The following NCAN variants were observed in gnomAD, a reference collection of about 807,000 sequenced individuals.
NCAN encodes neurocan.
In NCAN, 47 loss-of-function variants were observed where a neutral mutation model predicts 121.8. The observed-to-expected ratio is 0.39, with a 90% CI of 0.31 to 0.49. The LOEUF (loss-of-function observed/expected upper bound fraction) is 0.49, where lower values mean the gene tolerates loss of function less well. Ranked by LOEUF, NCAN falls within the 20% of genes least tolerant of loss-of-function variation. The pLI is 0.92. For missense variants in NCAN, 1,517 were observed against 1,773.4 expected (o/e 0.86, Z 2.60); for synonymous variants, 633 against 702.0 (o/e 0.90, Z 1.55).
rs2060806901 is a variant in NCAN, at chr19:19,219,255, C to T, written c.414C>T (p.Tyr138=). The T allele has an allele frequency of 1.3e-6, 2 of 1,599,930 alleles. No individual in the cohort carries two copies. The highest frequency in any genetic ancestry group is 1.7e-6 in the Non-Finnish European group (2 of 1,177,202). ...GPLRASDSGL[Y]RCQVVRGIED... ...TGAGGGCCAGTGACTCTGGGCTGTACCGCTGCCAGGTGGTGAGGGGCATCG... is the reference window on the plus strand; with the variant it reads ...TGAGGGCCAGTGACTCTGGGCTGTATCGCTGCCAGGTGGTGAGGGGCATCG... Residue 138 remains tyrosine, a synonymous_variant, in exon 3 of 15, where the codon TAC becomes TAT. Coordinates refer to ENST00000252575, the MANE Select transcript of NCAN (RefSeq NM_004386.3).
intron 1 of NCAN, among the ~76,000 whole-genome samples, chr19:19,214,208 ACACACACACT>A (rs1372649227): frequency 6.6e-6 from 1 of 150,532 alleles, no homozygotes; most frequent in Non-Finnish European, 1.5e-5. Flanking sequence ...ACACACTTAC[ACACACACACT>A]CACACACACT....
chr19:19,214,618 C>G (rs1179533017), intron 1 of NCAN, among the ~76,000 whole-genome samples: 2 of 152,070 alleles, frequency 1.3e-5, no homozygotes, highest in African/African-American at 4.8e-5. Flanking sequence ...GTGGTACTTG[C>G]TGGATAATCT....
In NCAN at chr19:19,243,787, G is replaced by T. The variant is rs561627974; in HGVS notation, c.3493-1526G>T. The stretch of plus-strand genomic sequence containing the variant: ...TCACGCCTGTAATCCCAGCACTTTG[G>T]GAGGCCAAGGTGGGTGGATCGCGAG... On this transcript the variant is annotated intron_variant, in intron 12 of 14. Transcript: ENST00000252575. 7.9e-5 allele frequency among the ~76,000 whole-genome samples: 12 copies of T among 152,192 alleles called. No homozygotes were observed. In the East Asian group the frequency reaches 2.3e-3, roughly 30 times the overall value.
At position 19,240,773 on chromosome 19, in the gene NCAN, G is replaced by A. The variant is rs895873329; in HGVS notation, c.3492+88G>A. ...GTTTACCCTTTTGTGCAAAGTTATC[G>A]CAATTGGGTGTCAGAGGTCTCTAGT... On this transcript the variant is annotated intron_variant, in intron 12 of 14. Transcript: ENST00000252575. The A allele has an allele frequency of 5.0e-5, 66 of 1,322,628 alleles. 1 individual carries two copies. The highest frequency in any genetic ancestry group is 1.8e-4 in the Middle Eastern group (1 of 5,502). 81.9% of individuals were successfully genotyped at this position (1,322,628 alleles called of 1,614,324 possible). A position where few individuals can be genotyped will look rare whatever the true frequency, so the allele number is the denominator to read the frequency against.
Position 19,212,862 on chromosome 19 carries a change from A to G in NCAN, c.-8+798A>G, listed in dbSNP as rs2060780436. ...CAGCTCAGAGGGGGGGCTGTCCCCC[A>G]GCACCTTCACAGCCTCCCACGTCCT... On this transcript the variant is annotated intron_variant, in intron 1 of 14. Coordinates refer to ENST00000252575, the MANE Select transcript of NCAN (RefSeq NM_004386.3). The surrounding 1 kb of genome is among the most constrained non-coding windows in gnomAD (Gnocchi z 4.5). 6.6e-6 allele frequency among the ~76,000 whole-genome samples: 1 copy of G among 152,162 alleles called. No homozygotes were observed. Among genetic ancestry groups the G allele is most frequent in the Non-Finnish European group, 1.5e-5 (1 of 67,994 alleles).
chr19:19,236,235 C>T (rs1337000556), intron 10 of NCAN, among the ~76,000 whole-genome samples: 2 of 152,158 alleles, frequency 1.3e-5, no homozygotes, highest in Non-Finnish European at 2.9e-5. Flanking sequence ...TGTGGATTTG[C>T]CTGTTCTAGA....
chr19:19,227,556 C>T lies in NCAN; in HGVS notation c.1936C>T (p.His646Tyr), dbSNP rs1330630691. 4 of 1,613,742 alleles carry T rather than the reference C, an allele frequency of 2.5e-6. No homozygotes were observed. The highest frequency in any genetic ancestry group is 3.4e-6 in the Non-Finnish European group (4 of 1,180,016). Reference protein sequence around the residue: ...LRGPKEWMLPHPTPISTEANR... With the variant: ...LRGPKEWMLPYPTPISTEANR... The stretch of plus-strand genomic sequence containing the variant: ...TGGTCCCAAAGAGTGGATGCTACCA[C>T]ACCCCACCCCCATCTCCACCGAGGC... Residue 646 changes from histidine (H) to tyrosine (Y), a missense_variant, in exon 8 of 15, where the codon CAC (histidine) becomes TAC (tyrosine). His to Tyr is a moderately conservative substitution (Grantham distance 83, BLOSUM62 2). Transcript: ENST00000252575. This position sits in a 1 kb window ranked among gnomAD's most constrained non-coding sequence, Gnocchi z 4.2.
chr19:19,213,203 G>T (rs1294798967), intron 1 of NCAN, among the ~76,000 whole-genome samples: 1 of 152,158 alleles, frequency 6.6e-6, no homozygotes, highest in Non-Finnish European at 1.5e-5. Flanking sequence ...AATAGCTGAT[G>T]GACATTCTGA....
chr19:19,217,270 G>GAGAA (rs1013693756), intron 2 of NCAN, among the ~76,000 whole-genome samples: 3 of 152,202 alleles, frequency 2.0e-5, no homozygotes, highest in African/African-American at 7.2e-5. Flanking sequence ...ATGAACTGGA[G>GAGAA]AGAAAGAAAG....
chr19:19,249,022 A>T, intron 14 of NCAN, 140 bp downstream of exon 14: 1 of 820,610 alleles, frequency 1.2e-6, no homozygotes, highest in Admixed American at 2.6e-5. Context: ...AGAACTTACC[A>T]GCCTGTCTGA....
intron 10 of NCAN, 99 bp downstream of exon 10, chr19:19,235,195 A>G (rs1447468464): frequency 3.0e-6 from 2 of 660,774 alleles, no homozygotes; most frequent in Admixed American, 2.5e-5. Flanking sequence ...CTCCAGTTCC[A>G]TGGCTGTGAG....
rs376208950 is a variant in NCAN, at chr19:19,217,041, G to A, written c.73+15G>A. The stretch of plus-strand genomic sequence containing the variant: ...TGGGGAACAGGGTGAGTTGGTTTGT[G>A]GGGAGGGAGAGATTGGGGTCTAGGG... On this transcript the variant is annotated intron_variant, in intron 2 of 14. Coordinates refer to ENST00000252575, the MANE Select transcript of NCAN (RefSeq NM_004386.3). 9.2e-6 allele frequency: 12 copies of A among 1,311,342 alleles called. No homozygotes were observed. Among genetic ancestry groups the A allele is most frequent in the Admixed American group, 3.1e-5 (1 of 32,692 alleles). 81.2% of individuals were successfully genotyped at this position (1,311,342 alleles called of 1,614,324 possible).
chr19:19,215,823 A>G (rs1200087174), intron 1 of NCAN, among the ~76,000 whole-genome samples: 1 of 152,132 alleles, frequency 6.6e-6, no homozygotes, highest in East Asian at 1.9e-4. Flanking sequence ...GCCCTCTAGG[A>G]GCCGCCAGTC....
chr19:19,230,431 T>C (rs192626109), intron 8 of NCAN, among the ~76,000 whole-genome samples: 10 of 109,828 alleles, frequency 9.1e-5, no homozygotes, highest in East Asian at 5.6e-4. Context: ...TTAGAAAGGG[T>C]CTCACTCTGT....
rs780491696 is a variant in NCAN, at chr19:19,248,751, G to A, written c.3689G>A (p.Arg1230His). The change falls in exon 14 of 15, where the codon CGC (arginine) becomes CAC (histidine). Residue 1230 changes from arginine to histidine, a missense_variant. Arg to His is a conservative substitution (Grantham distance 29). Transcript: ENST00000252575. ...GAGAATGCCTCACTCATCGGTGCCC[G>A]CAAGGCCAAGTACAATGTCCATGCC... ...AVENASLIGA[R>H]KAKYNVHATV... The A allele has an allele frequency of 3.1e-5, 50 of 1,614,162 alleles. No homozygotes were observed. The highest frequency in any genetic ancestry group is 1.3e-4 in the Admixed American group (8 of 60,024).
At chr19:19,218,724 G>A (rs911965472) in intron 2 of NCAN, among the ~76,000 whole-genome samples, 191 bp from the exon 3 acceptor site, 23 of 152,246 alleles carry the variant, frequency 1.5e-4, no homozygotes, top group African/African-American at 5.1e-4. Context: ...TGCCCGCCTT[G>A]GTCTCTCAAA....
At chr19:19,233,472 TG>T (rs2060868872) in intron 8 of NCAN, among the ~76,000 whole-genome samples, 1 of 152,052 alleles carries the variant, frequency 6.6e-6, no homozygotes, top group African/African-American at 2.4e-5. Context: ...CTGAAGCCCA[TG>T]TTCTGGGAGA....
Position 19,212,043 on chromosome 19 carries a change from A to G in NCAN, c.-29A>G, listed in dbSNP as rs2146532305. 4.7e-6 allele frequency: 1 copy of G among 212,556 alleles called. No homozygotes were observed. Among genetic ancestry groups the G allele is most frequent in the Non-Finnish European group, 1.0e-5 (1 of 99,848 alleles). 13.2% of individuals were successfully genotyped at this position (212,556 alleles called of 1,614,324 possible). ...CTTTGTGCCCGGCGGCCGCCCCGGG[A>G]TGCGTCCGAGCTAGGAGCCAGGTGG... is the stretch of plus-strand genomic sequence containing the variant. On this transcript the variant is annotated 5_prime_UTR_variant, in exon 1 of 15. An upstream start codon of the reference 5' UTR is lost. Transcript: ENST00000252575. This position sits in a 1 kb window ranked among gnomAD's most constrained non-coding sequence, Gnocchi z 4.5.
At position 19,212,710 on chromosome 19, in the gene NCAN, T is replaced by C. The variant is rs1369875499; in HGVS notation, c.-8+646T>C. Among the ~76,000 whole-genome samples, 1 of 152,174 alleles carries C rather than the reference T, an allele frequency of 6.6e-6. No individual in the cohort carries two copies. The highest frequency in any genetic ancestry group is 1.5e-5 in the Non-Finnish European group (1 of 68,018). ...CCCATCCCAACGTGGTTCCCCGTTA[T>C]TCCCTTAGACCTTGGGTTGAGGTGT... On this transcript the variant is annotated intron_variant, in intron 1 of 14. Coordinates refer to ENST00000252575, the MANE Select transcript of NCAN (RefSeq NM_004386.3). This position sits in a 1 kb window ranked among gnomAD's most constrained non-coding sequence, Gnocchi z 4.5.
Sources: allele counts gnomAD v4.1 joint callset (sites outside exome capture counted in the v4.1 genomes callset), GRCh38; gene constraint gnomAD v4.1.1; non-coding constraint Gnocchi (gnomAD v3.1); transcripts MANE v1.5; gene names NCBI Gene and HGNC (gene_info 2026-07-23, HGNC 2026-07-21).